UBE2H: variants seen among roughly 807,000 people sequenced by gnomAD.
The protein encoded by UBE2H is ubiquitin-conjugating enzyme E2 H.
A neutral mutation model predicts 29.0 loss-of-function variants in UBE2H; 3 were observed. The observed-to-expected ratio is 0.10, with a 90% CI of 0.05 to 0.27. UBE2H has a LOEUF of 0.27. UBE2H is among the 10% of genes least tolerant of loss of function. UBE2H has a pLI of 1.00. For missense variants in UBE2H, 68 were observed against 228.2 expected, an observed-to-expected ratio of 0.30 and a Z score of 4.52; for synonymous variants, 69 against 82.9, an observed-to-expected ratio of 0.83 and a Z score of 0.91.
intron 1 of UBE2H, among the ~76,000 whole-genome samples, chr7:129,893,876 G>A (rs1359899523): frequency 6.6e-6 from 1 of 152,106 alleles, no homozygotes; most frequent in Non-Finnish European, 1.5e-5. Flanking sequence ...GCCTACTTTT[G>A]GGCCTGGCAC....
chr7:129,886,843 T>TG (rs919833816), intron 1 of UBE2H, among the ~76,000 whole-genome samples: 12 of 150,818 alleles, frequency 8.0e-5, no homozygotes, highest in Admixed American at 2.0e-4. Flanking sequence ...AATAGTGCTT[T>TG]GGGGGGGATA....
At chr7:129,942,658 T>C (rs1458317962) in intron 1 of UBE2H, among the ~76,000 whole-genome samples, 1 of 152,176 alleles carries the variant, frequency 6.6e-6, no homozygotes, top group Non-Finnish European at 1.5e-5. Context: ...GAAATATTTA[T>C]CAACTGCTGT....
intron 1 of UBE2H, among the ~76,000 whole-genome samples, chr7:129,947,154 C>T (rs1351481467): frequency 1.3e-5 from 2 of 152,134 alleles, no homozygotes; most frequent in East Asian, 3.8e-4. Context: ...TTTAGGCTTG[C>T]GTGTAATTTA....
chr7:129,859,355 G>C (rs1805760081), intron 3 of UBE2H, among the ~76,000 whole-genome samples: 1 of 152,184 alleles, frequency 6.6e-6, no homozygotes. Flanking sequence ...TTCTCCTTCT[G>C]ACGCTCACTT....
intron 3 of UBE2H, among the ~76,000 whole-genome samples, chr7:129,867,259 T>C (rs1218566802): frequency 1.3e-5 from 2 of 151,994 alleles, no homozygotes; most frequent in African/African-American, 2.4e-5. Context: ...CGTATGTTTA[T>C]TGCGGCACTA....
At chr7:129,853,819 A>G (rs1305082630) in intron 5 of UBE2H, among the ~76,000 whole-genome samples, 1 of 152,206 alleles carries the variant, frequency 6.6e-6, no homozygotes, top group Non-Finnish European at 1.5e-5. Flanking sequence ...TGATTAACAT[A>G]CATCTGAAAT....
intron 5 of UBE2H, among the ~76,000 whole-genome samples, chr7:129,843,804 A>G (rs893008677): frequency 6.6e-6 from 1 of 152,240 alleles, no homozygotes; most frequent in Non-Finnish European, 1.5e-5. Context: ...TCCTCCTGCC[A>G]TATTATTATT....
At chr7:129,944,712 C>CAA (rs1347640858) in intron 1 of UBE2H, among the ~76,000 whole-genome samples, 60 of 108,074 alleles carry the variant, frequency 5.6e-4, no homozygotes, top group African/African-American at 2.0e-3. Context: ...CGCATGCGCT[C>CAA]AAAACACACA....
At chr7:129,856,042 C>G (rs1012761247) in intron 5 of UBE2H, among the ~76,000 whole-genome samples, 2 of 152,086 alleles carry the variant, frequency 1.3e-5, no homozygotes, top group African/African-American at 4.8e-5. Context: ...AAGGTGCTAA[C>G]CACACAAAGA....
intron 1 of UBE2H, among the ~76,000 whole-genome samples, chr7:129,881,796 T>C (rs568345473): frequency 6.6e-6 from 1 of 152,134 alleles, no homozygotes; most frequent in East Asian, 1.9e-4. Flanking sequence ...TTCAGCAAAA[T>C]ACAAATTCCC....
At chr7:129,931,582 ACT>A (rs1807401077) in intron 1 of UBE2H, among the ~76,000 whole-genome samples, 1 of 152,130 alleles carries the variant, frequency 6.6e-6, no homozygotes, top group African/African-American at 2.4e-5. Flanking sequence ...TCATTTTGCA[ACT>A]CTCTTTAATA....
chr7:129,936,147 G>T (rs1318546767), intron 1 of UBE2H, among the ~76,000 whole-genome samples: 2 of 152,114 alleles, frequency 1.3e-5, no homozygotes, highest in East Asian at 3.8e-4. Flanking sequence ...AACTTCATCA[G>T]AACTGACAAA....
chr7:129,952,458 C>A (rs753199856), intron 1 of UBE2H, 45 bp downstream of exon 1: 2 of 1,603,304 alleles, frequency 1.2e-6, no homozygotes, highest in South Asian at 2.2e-5. Context: ...GGCATCCCCA[C>A]ACCGCCCCCC....
chr7:129,886,767 T>TTTTTTTTGGTAAA (rs1554435104), intron 1 of UBE2H, among the ~76,000 whole-genome samples: 1 of 72,062 alleles, frequency 1.4e-5, no homozygotes. Context: ...TGTTTTTTGG[T>TTTTTTTTGGTAAA]AAAAAAAAAA....
chr7:129,898,813 C>CTTT (rs60318810), intron 1 of UBE2H, among the ~76,000 whole-genome samples: 233 of 145,808 alleles, frequency 1.6e-3, no homozygotes, highest in Middle Eastern at 0.014. Context: ...AGTTGCAGGC[C>CTTT]TTTTTTTTTT....
intron 1 of UBE2H, among the ~76,000 whole-genome samples, chr7:129,943,846 G>C (rs1807697444): frequency 6.6e-6 from 1 of 152,170 alleles, no homozygotes; most frequent in African/African-American, 2.4e-5. Context: ...AGGTTGCAGA[G>C]AGCCAGTCTG....
chr7:129,907,422 C>G (rs1384240521), intron 1 of UBE2H, among the ~76,000 whole-genome samples: 1 of 152,130 alleles, frequency 6.6e-6, no homozygotes, highest in Non-Finnish European at 1.5e-5. Flanking sequence ...AGGCAGGGTA[C>G]AGCTGACAGC....
intron 5 of UBE2H, among the ~76,000 whole-genome samples, chr7:129,844,793 C>T (rs921514619): frequency 2.6e-5 from 4 of 152,180 alleles, no homozygotes; most frequent in African/African-American, 9.7e-5. Flanking sequence ...AATTATAACA[C>T]TCATATCTCA....
chr7:129,854,067 T>TTTTTTTTTTTTATTTTTTATTA (rs1805661232), intron 5 of UBE2H, among the ~76,000 whole-genome samples: 1 of 148,784 alleles, frequency 6.7e-6, no homozygotes, highest in Non-Finnish European at 1.5e-5. Flanking sequence ...TTAGTTTTTT[T>TTTTTTTTTTTTATTTTTTATTA]TTTTTTTTTT....
Sources: gnomAD v4.1 joint callset for allele counts (sites outside exome capture counted in the v4.1 genomes callset) on GRCh38, gnomAD v4.1.1 for gene constraint, MANE v1.5 for transcripts, NCBI Gene and HGNC (gene_info 2026-07-23, HGNC 2026-07-21) for gene names.